ECH1: variants seen among roughly 807,000 people sequenced by gnomAD.
ECH1 encodes the protein delta(3,5)-Delta(2,4)-dienoyl-CoA isomerase, mitochondrial.
ECH1 carries 30 observed loss-of-function variants against 37.0 expected under a neutral mutation model. The ratio of observed to expected loss-of-function variants is 0.81; its 90% CI spans 0.61 to 1.10. ECH1 has a LOEUF of 1.10. Ranked by LOEUF, ECH1 falls within the 50% of genes least tolerant of loss-of-function variation. ECH1 has a pLI of 0.00. For missense variants in ECH1, 456 were observed against 441.6 expected (o/e 1.03, Z -0.29); for synonymous variants, 178 against 176.0 (o/e 1.01, Z -0.09).
chr19:38,828,971 A>T (rs1237810570), intron 3 of ECH1, among the ~76,000 whole-genome samples: 1 of 151,232 alleles, frequency 6.6e-6, no homozygotes, highest in African/African-American at 2.4e-5. Context: ...AATGGCAGGA[A>T]GAAAAACATG....
chr19:38,828,334 C>T (rs1438151933), intron 3 of ECH1, among the ~76,000 whole-genome samples: 2 of 151,960 alleles, frequency 1.3e-5, no homozygotes, highest in Admixed American at 6.6e-5. Flanking sequence ...TGGGTTCAAG[C>T]GATTCTCCTG....
chr19:38,826,655 G>A (rs897368055), intron 3 of ECH1, among the ~76,000 whole-genome samples: 2 of 152,092 alleles, frequency 1.3e-5, no homozygotes, highest in East Asian at 3.9e-4. Context: ...GCCTTCTTCT[G>A]TATTCCCCTA....
chr19:38,830,766 A>T (rs1162957184), intron 3 of ECH1: 1 of 334,816 alleles, frequency 3.0e-6, no homozygotes, highest in East Asian at 7.7e-5. Context: ...TAACGTCAGG[A>T]GATGGAGACC....
At chr19:38,816,936 C>A in intron 6 of ECH1, 129 bp downstream of exon 6, 1 of 1,086,352 alleles carries the variant, frequency 9.2e-7, no homozygotes, top group Non-Finnish European at 1.3e-6. Context: ...TCTTGACTTC[C>A]TCTATGGGCA....
At position 38,821,269 on chromosome 19, in the gene ECH1, C is replaced by T. The variant is rs189276614; in HGVS notation, c.350-3694G>A. 8.7e-3 allele frequency among the ~76,000 whole-genome samples: 1,324 copies of T among 152,256 alleles called. 17 individuals carry two copies. The highest frequency in any genetic ancestry group is 0.03 in the African/African-American group (1,254 of 41,532). On this transcript the variant is annotated intron_variant, in intron 3 of 9. Coordinates refer to ENST00000221418, the MANE Select transcript of ECH1 (RefSeq NM_001398.3). ...GCTGCAGTGAGCTGAGATTGCTCCA[C>T]TGCATTCCAGCCTGGGTGACAGAGG...
chr19:38,817,376 C>A lies in ECH1; in HGVS notation c.475-12G>T, dbSNP rs373701186. The A allele has an allele frequency of 4.3e-5, 69 of 1,600,212 alleles. No individual in the cohort carries two copies. In the African/African-American group the frequency reaches 8.8e-4, roughly 20 times the overall value. On this transcript the variant is annotated splice_polypyrimidine_tract_variant and intron_variant, in intron 4 of 9. Coordinates refer to ENST00000221418, the MANE Select transcript of ECH1 (RefSeq NM_001398.3). ...ACGGGCTTGGGGCACTGAGAGGGAA[C>A]AGGAAGAGTGGGGTCAGGGCTGGCC...
At position 38,831,708 on chromosome 19, in the gene ECH1, A is replaced by C. The variant is rs548817124; in HGVS notation, c.52+13T>G. On this transcript the variant is annotated intron_variant, in intron 1 of 9. Coordinates refer to ENST00000221418, the MANE Select transcript of ECH1 (RefSeq NM_001398.3). ...CAGCGCGACGCACCCCCATAAGGCAAGAGGTGACTCACGCCGGGTCAGTAG... is the reference window on the plus strand; with the variant it reads ...CAGCGCGACGCACCCCCATAAGGCACGAGGTGACTCACGCCGGGTCAGTAG... 1.3e-4 allele frequency: 207 copies of C among 1,613,786 alleles called. No homozygotes were observed. The highest frequency in any genetic ancestry group is 2.5e-4 in the Admixed American group (15 of 60,000).
rs1456942314 is a variant in ECH1, at chr19:38,831,436, C to T, written c.133G>A (p.Val45Ile). 1.9e-6 allele frequency: 3 copies of T among 1,614,140 alleles called. No individual in the cohort carries two copies. Among genetic ancestry groups the T allele is most frequent in the South Asian group, 2.2e-5 (2 of 91,082 alleles). Residue 45 changes from valine to isoleucine, a missense_variant, in exon 2 of 10, where the codon GTA (valine) becomes ATA (isoleucine). Physicochemically the swap from Val to Ile is conservative, Grantham distance 29. Coordinates refer to ENST00000221418, the MANE Select transcript of ECH1 (RefSeq NM_001398.3). ...TGGTCTGGGGCTTCACCGAGGGCTA[C>T]TCCGGAAGCCTCCTCTTGTGCAGAG... ...GSSAQEEASG[V>I]ALGEAPDHSY...
At chr19:38,828,570 C>T (rs1438771370) in intron 3 of ECH1, among the ~76,000 whole-genome samples, 1 of 151,654 alleles carries the variant, frequency 6.6e-6, no homozygotes, top group African/African-American at 2.4e-5. Context: ...GAGACTGACC[C>T]CAAGATGACC....
intron 3 of ECH1, among the ~76,000 whole-genome samples, chr19:38,823,767 A>G (rs571707116): frequency 1.3e-5 from 2 of 152,212 alleles, no homozygotes; most frequent in Non-Finnish European, 2.9e-5. Flanking sequence ...TATCCTATCT[A>G]TCCTGACTCT....
At chr19:38,820,644 C>A (rs146378208) in intron 3 of ECH1, among the ~76,000 whole-genome samples, 1,631 of 152,252 alleles carry the variant, frequency 0.011, 20 homozygotes, top group Middle Eastern at 0.034. Flanking sequence ...CCACCTTTTT[C>A]TTTCTCTAAT....
chr19:38,815,698 A>C lies in ECH1; in HGVS notation c.902T>G (p.Met301Arg). 1 of 1,614,200 alleles carries C rather than the reference A, an allele frequency of 6.2e-7. No individual in the cohort carries two copies. Among genetic ancestry groups the C allele is most frequent in the Admixed American group, 1.7e-5 (1 of 60,014 alleles). ...LNYVASWNMSMLQTQDLVKSV... is the reference protein window; with the variant it reads ...LNYVASWNMSRLQTQDLVKSV... ...CTTCACGAGGTCTTGGGTCTGCAGC[A>C]TGCTCATGTTCCAGGACGCCTGGTA... The change falls in exon 10 of 10, where the codon ATG becomes AGG. Residue 301 changes from methionine to arginine, a missense_variant. Met to Arg is a moderately conservative substitution (Grantham distance 91). Coordinates refer to ENST00000221418, the MANE Select transcript of ECH1 (RefSeq NM_001398.3).
In ECH1 at chr19:38,816,604, T is replaced by C. The variant is rs1971581153; in HGVS notation, c.589-81A>G. On this transcript the variant is annotated intron_variant, in intron 6 of 9. Coordinates refer to ENST00000221418, the MANE Select transcript of ECH1 (RefSeq NM_001398.3). Reference sequence around the variant, plus strand: ...ATGTCAACGTCCATGAAATTTCATGTCTACTGGAGAGTCCCGCCCCACCTT... The same window carrying C: ...ATGTCAACGTCCATGAAATTTCATGCCTACTGGAGAGTCCCGCCCCACCTT... 6.6e-6 allele frequency: 10 copies of C among 1,510,342 alleles called. No individual in the cohort carries two copies. In the South Asian group the frequency reaches 1.1e-4, roughly 16 times the overall value. 93.6% of individuals were successfully genotyped at this position (1,510,342 alleles called of 1,614,324 possible).
At position 38,818,306 on chromosome 19, in the gene ECH1, C is replaced by T. The variant is rs113873157; in HGVS notation, c.350-731G>A. 9.1e-6 allele frequency: 9 copies of T among 985,288 alleles called. No homozygotes were observed. In the East Asian group the frequency reaches 3.4e-4, roughly 37 times the overall value. The allele number at this position is 985,288 out of a possible 1,614,324, so 61.0% of individuals were successfully genotyped here. On this transcript the variant is annotated intron_variant, in intron 3 of 9. Transcript: ENST00000221418. ...GTTTCCTGAGATGAGAAACATCTCA[C>T]GATGCAGCAATTTCTGTGGCTCCAA...
chr19:38,830,998 C>A, intron 3 of ECH1, 80 bp downstream of exon 3: 1 of 1,320,964 alleles, frequency 7.6e-7, no homozygotes, highest in Non-Finnish European at 1.1e-6. Flanking sequence ...CTGCTTAAAA[C>A]CCTAATTCAG....
chr19:38,830,711 A>G (rs533705631), intron 3 of ECH1, among the ~76,000 whole-genome samples: 1 of 151,922 alleles, frequency 6.6e-6, no homozygotes, highest in South Asian at 2.1e-4. Context: ...GCAATGGTTC[A>G]GGCCTATAAT....
intron 3 of ECH1, among the ~76,000 whole-genome samples, chr19:38,821,603 G>A (rs1366673872): frequency 1.1e-4 from 16 of 152,206 alleles, no homozygotes; most frequent in East Asian, 3.9e-4. Context: ...GTGGGCCGGC[G>A]CCACCTGCCC....
rs143488307 is a variant in ECH1 at position 38,816,480 on chromosome 19, C to G, written c.632G>C (p.Arg211Pro). 42 of 1,614,158 alleles carry G rather than the reference C, an allele frequency of 2.6e-5. No homozygotes were observed. The highest frequency in any genetic ancestry group is 3.5e-5 in the Non-Finnish European group (41 of 1,180,014). The change falls in exon 7 of 10, where the codon CGC (arginine) becomes CCC (proline). Residue 211 changes from arginine to proline, a missense_variant. Coordinates refer to ENST00000221418, the MANE Select transcript of ECH1 (RefSeq NM_001398.3). ...CTGGTTCCCGATGACCTTGGGCAGGCGCTGCAGTGTTCCTACATCGGCAGC... is the reference window on the plus strand; with the variant it reads ...CTGGTTCCCGATGACCTTGGGCAGGGGCTGCAGTGTTCCTACATCGGCAGC... The part of the protein sequence containing the change: ...GLAADVGTLQ[R>P]LPKVIGNQSL...
rs769950628 is a variant in ECH1 at position 38,831,792 on chromosome 19, T to C, written c.-20A>G. On this transcript the variant is annotated 5_prime_UTR_variant, in exon 1 of 10. Transcript: ENST00000221418. ...CGCCATCGCCGCCGCCTTCGTCTACTGCGTTCGGACGGAGTAACGTGCCCG... is the reference window on the plus strand; with the variant it reads ...CGCCATCGCCGCCGCCTTCGTCTACCGCGTTCGGACGGAGTAACGTGCCCG... The C allele has an allele frequency of 1.4e-5, 22 of 1,612,134 alleles. No homozygotes were observed. Among genetic ancestry groups the C allele is most frequent in the Non-Finnish European group, 1.8e-5 (21 of 1,179,440 alleles).
Sources: allele counts gnomAD v4.1 joint callset (sites outside exome capture counted in the v4.1 genomes callset), GRCh38; gene constraint gnomAD v4.1.1; transcripts MANE v1.5; gene names NCBI Gene and HGNC (gene_info 2026-07-23, HGNC 2026-07-21).